Variants in HAPLN3 observed in about 807,000 individuals in gnomAD.
HAPLN3 encodes the protein hyaluronan and proteoglycan link protein 3.
A neutral mutation model predicts 28.1 loss-of-function variants in HAPLN3; 28 were observed. That is an observed-to-expected ratio of 1.00 (90% CI 0.74 to 1.37). The LOEUF (loss-of-function observed/expected upper bound fraction) is 1.37. Ranked by LOEUF, HAPLN3 falls within the 40% of genes most tolerant of loss-of-function variation. The pLI is 0.00. For missense variants in HAPLN3, 513 were observed against 504.6 expected (o/e 1.02, Z -0.16); for synonymous variants, 211 against 213.1 (o/e 0.99, Z 0.09).
intron 1 of HAPLN3, among the ~76,000 whole-genome samples, chr15:88,891,026 T>C (rs904231071): frequency 7.2e-5 from 11 of 152,106 alleles, no homozygotes; most frequent in Non-Finnish European, 1.3e-4. Flanking sequence ...TACAGGCACC[T>C]GCCACCACAC....
Position 88,878,844 on chromosome 15 carries a change from T to C in HAPLN3, c.796+123A>G, listed in dbSNP as rs1596163316. On this transcript the variant is annotated intron_variant, in intron 4 of 4. Coordinates refer to ENST00000359595, the MANE Select transcript of HAPLN3 (RefSeq NM_178232.4). ...CTGCTTCTAGGGTGGCTGGTGCTCT[T>C]GGCCTCCAGGTGGCAGTACCAGCAG... 5 of 1,053,364 alleles carry C rather than the reference T, an allele frequency of 4.7e-6. No individual in the cohort carries two copies. In the East Asian group the frequency reaches 1.1e-4, roughly 22 times the overall value. The allele number at this position is 1,053,364 out of a possible 1,614,324, so 65.3% of individuals were successfully genotyped here. A position where few individuals can be genotyped will look rare whatever the true frequency, so the allele number is the denominator to read the frequency against.
chr15:88,879,379 C>A lies in HAPLN3; in HGVS notation c.494-110G>T. On this transcript the variant is annotated intron_variant, in intron 3 of 4. Coordinates refer to ENST00000359595, the MANE Select transcript of HAPLN3 (RefSeq NM_178232.4). This position sits in a 1 kb window ranked among gnomAD's most constrained non-coding sequence, Gnocchi z 5.0. Reference sequence around the variant, plus strand: ...ACATGTGCTGCCTGCAACACACACACATACACCATCCCTCAGAAAAACTCA... The same window carrying A: ...ACATGTGCTGCCTGCAACACACACAAATACACCATCCCTCAGAAAAACTCA... The A allele has an allele frequency of 1.3e-6, 2 of 1,560,378 alleles. No homozygotes were observed. The highest frequency in any genetic ancestry group is 2.4e-5 in the East Asian group (1 of 42,118).
At chr15:88,884,213 T>C (rs1897783889) in intron 2 of HAPLN3, among the ~76,000 whole-genome samples, 1 of 152,202 alleles carries the variant, frequency 6.6e-6, no homozygotes. Flanking sequence ...GGCCTGGTAG[T>C]GTAGTGAAAC....
At chr15:88,887,056 G>A in intron 2 of HAPLN3, 119 bp downstream of exon 2, 2 of 1,117,924 alleles carry the variant, frequency 1.8e-6, no homozygotes, top group Non-Finnish European at 2.7e-6. Context: ...CACTACAAGG[G>A]CCCTGCTGGA....
At chr15:88,892,996 A>G (rs940738328) in intron 1 of HAPLN3, 9 of 1,535,260 alleles carry the variant, frequency 5.9e-6, no homozygotes, top group Non-Finnish European at 7.8e-6. Context: ...TAGTTCCCCA[A>G]ATCTTCTGGA....
chr15:88,883,110 TG>T (rs1323653666), intron 2 of HAPLN3, among the ~76,000 whole-genome samples: 1 of 152,228 alleles, frequency 6.6e-6, no homozygotes, highest in African/African-American at 2.4e-5. Flanking sequence ...AGAGGAATCG[TG>T]CTAAAAAAGA....
intron 2 of HAPLN3, among the ~76,000 whole-genome samples, chr15:88,885,029 T>C (rs532410598): frequency 2.0e-5 from 3 of 152,270 alleles, no homozygotes; most frequent in Non-Finnish European, 4.4e-5. Context: ...ACATTTCTGT[T>C]GTTTCAAGCC....
chr15:88,888,282 G>A lies in HAPLN3; in HGVS notation c.-47-937C>T, dbSNP rs1033257698. 1.3e-5 allele frequency among the ~76,000 whole-genome samples: 2 copies of A among 151,864 alleles called. No individual in the cohort carries two copies. Among genetic ancestry groups the A allele is most frequent in the Non-Finnish European group, 1.5e-5 (1 of 67,980 alleles). ...AATTTTTTGTAATTTTAGTACAGAC[G>A]GGGTTTCACCGCGTTAGCCAGGATG... is the stretch of plus-strand genomic sequence containing the variant. On this transcript the variant is annotated intron_variant, in intron 1 of 4. Transcript: ENST00000359595. The surrounding 1 kb of genome is among the most constrained non-coding windows in gnomAD (Gnocchi z 4.1).
intron 1 of HAPLN3, among the ~76,000 whole-genome samples, chr15:88,894,923 G>A (rs1165635129): frequency 2.0e-5 from 3 of 152,168 alleles, no homozygotes; most frequent in Non-Finnish European, 2.9e-5. Flanking sequence ...GAACCCATAG[G>A]CATCAGTTGC....
In HAPLN3 at chr15:88,880,671, C is replaced by T. The variant is rs867611998; in HGVS notation, c.493+686G>A. On this transcript the variant is annotated intron_variant, in intron 3 of 4. Transcript: ENST00000359595. This position sits in a 1 kb window ranked among gnomAD's most constrained non-coding sequence, Gnocchi z 6.0. Reference sequence around the variant, plus strand: ...AAACAGGGACCCCACATACAAGATCCGGCTTGCAGGGTGTGGCTGGTTTGG... The same window carrying T: ...AAACAGGGACCCCACATACAAGATCTGGCTTGCAGGGTGTGGCTGGTTTGG... 22 of 1,175,684 alleles carry T rather than the reference C, an allele frequency of 1.9e-5. No homozygotes were observed. The highest frequency in any genetic ancestry group is 1.6e-5 in the African/African-American group (1 of 63,254). 72.8% of individuals were successfully genotyped at this position (1,175,684 alleles called of 1,614,324 possible). A position where few individuals can be genotyped will look rare whatever the true frequency, so the allele number is the denominator to read the frequency against.
At chr15:88,891,966 G>A (rs1165838761) in intron 1 of HAPLN3, among the ~76,000 whole-genome samples, 1 of 152,144 alleles carries the variant, frequency 6.6e-6, no homozygotes, top group Non-Finnish European at 1.5e-5. Context: ...TTGAGCAGAG[G>A]GGCTCCCAGC....
chr15:88,892,406 G>A (rs1898035209), intron 1 of HAPLN3, among the ~76,000 whole-genome samples: 2 of 151,580 alleles, frequency 1.3e-5, no homozygotes, highest in South Asian at 2.1e-4. Flanking sequence ...GCAGTGAGCC[G>A]AGATCACACC....
At position 88,880,115 on chromosome 15, in the gene HAPLN3, C is replaced by T. The variant is rs1311619117; in HGVS notation, c.494-846G>A. On this transcript the variant is annotated intron_variant, in intron 3 of 4. Coordinates refer to ENST00000359595, the MANE Select transcript of HAPLN3 (RefSeq NM_178232.4). The surrounding 1 kb of genome is among the most constrained non-coding windows in gnomAD (Gnocchi z 6.0). ...AGCCAGGTTGGGCGGCAGAGAAGCC[C>T]ATGGGCCCTGACAGTCAGCTTGCAG... The T allele has an allele frequency of 2.0e-6, 2 of 992,192 alleles. No individual in the cohort carries two copies. Among genetic ancestry groups the T allele is most frequent in the East Asian group, 1.1e-4 (1 of 9,012 alleles). The allele number at this position is 992,192 out of a possible 1,614,324, so 61.5% of individuals were successfully genotyped here.
At chr15:88,885,175 T>C (rs1227643496) in intron 2 of HAPLN3, among the ~76,000 whole-genome samples, 3 of 152,248 alleles carry the variant, frequency 2.0e-5, no homozygotes, top group African/African-American at 4.8e-5. Flanking sequence ...TGCAGGCTCA[T>C]GTGTCGTCTC....
intron 4 of HAPLN3, 85 bp downstream of exon 4, chr15:88,878,882 G>C (rs900726496): frequency 2.2e-6 from 3 of 1,385,106 alleles, no homozygotes; most frequent in Non-Finnish European, 2.9e-6. Flanking sequence ...CCAGCAGAGG[G>C]GGCCAGAGCT....
chr15:88,891,877 A>G (rs1310354711), intron 1 of HAPLN3, among the ~76,000 whole-genome samples: 1 of 152,166 alleles, frequency 6.6e-6, no homozygotes, highest in East Asian at 1.9e-4. Flanking sequence ...ACCTGGAACC[A>G]GGAGGGAAGT....
In HAPLN3 at chr15:88,877,890, G is replaced by T; in HGVS notation, c.*80C>A. ...GAGAAGTATAAAAACAGTTAAAATGGCTCCAACCCACAAGGGAAAACGAAC... is the reference window on the plus strand; with the variant it reads ...GAGAAGTATAAAAACAGTTAAAATGTCTCCAACCCACAAGGGAAAACGAAC... On this transcript the variant is annotated 3_prime_UTR_variant, in exon 5 of 5. Transcript: ENST00000359595. The surrounding 1 kb of genome is among the most constrained non-coding windows in gnomAD (Gnocchi z 5.1). 7.4e-7 allele frequency: 1 copy of T among 1,355,818 alleles called. No individual in the cohort carries two copies. The highest frequency in any genetic ancestry group is 1.0e-6 in the Non-Finnish European group (1 of 994,864). 84.0% of individuals were successfully genotyped at this position (1,355,818 alleles called of 1,614,324 possible). A position where few individuals can be genotyped will look rare whatever the true frequency, so the allele number is the denominator to read the frequency against.
At position 88,888,646 on chromosome 15, in the gene HAPLN3, C is replaced by G. The variant is rs985970410; in HGVS notation, c.-47-1301G>C. On this transcript the variant is annotated intron_variant, in intron 1 of 4. Coordinates refer to ENST00000359595, the MANE Select transcript of HAPLN3 (RefSeq NM_178232.4). The surrounding 1 kb of genome is among the most constrained non-coding windows in gnomAD (Gnocchi z 4.1). ...GCTCACCTGCCATTTACTGCGTGCT[C>G]TCAACAATTAAAAGATGGGGTCACT... Among the ~76,000 whole-genome samples the G allele has an allele frequency of 5.3e-5, 8 of 152,160 alleles. No homozygotes were observed. Among genetic ancestry groups the G allele is most frequent in the Non-Finnish European group, 1.0e-4 (7 of 68,044 alleles).
At chr15:88,885,683 T>C (rs1361026042) in intron 2 of HAPLN3, among the ~76,000 whole-genome samples, 1 of 152,118 alleles carries the variant, frequency 6.6e-6, no homozygotes, top group Non-Finnish European at 1.5e-5. Context: ...TCTTGATCTC[T>C]TGACCTCGTG....
Sources: allele counts gnomAD v4.1 joint callset (sites outside exome capture counted in the v4.1 genomes callset), GRCh38; gene constraint gnomAD v4.1.1; non-coding constraint Gnocchi (gnomAD v3.1); transcripts MANE v1.5; gene names NCBI Gene and HGNC (gene_info 2026-07-23, HGNC 2026-07-21).